The following FRMD4A variants were observed in gnomAD, a reference collection of about 807,000 sequenced individuals.
FRMD4A encodes FERM domain containing 4A, also known as FERM domain-containing protein 4A.
In FRMD4A, 29 loss-of-function variants were observed where a neutral mutation model predicts 129.1. The observed-to-expected ratio is 0.22, with a 90% CI of 0.17 to 0.31. The LOEUF (loss-of-function observed/expected upper bound fraction) is 0.31, where lower values mean the gene tolerates loss of function less well. Among genes scored for constraint, FRMD4A ranks in the 10% least tolerant of loss-of-function variants. The pLI, the probability that FRMD4A is intolerant of heterozygous loss-of-function variation, is 1.00. For synonymous variants in FRMD4A, 634 were observed against 571.6 expected (o/e 1.11, Z -1.56); for missense variants, 1,272 against 1,375.8 (o/e 0.92, Z 1.19).
At chr10:14,013,260 G>C (rs918580533) in intron 2 of FRMD4A, among the ~76,000 whole-genome samples, 1 of 152,158 alleles carries the variant, frequency 6.6e-6, no homozygotes, top group Admixed American at 6.5e-5. Context: ...GTAACATCTT[G>C]CAGGGTATTA....
intron 2 of FRMD4A, among the ~76,000 whole-genome samples, chr10:14,213,436 G>T (rs995037618): frequency 2.0e-5 from 3 of 152,086 alleles, no homozygotes; most frequent in Non-Finnish European, 4.4e-5. Flanking sequence ...GCTCAGAGAG[G>T]GTAAGTAGCT....
At chr10:14,098,651 G>A (rs1017301255) in intron 2 of FRMD4A, among the ~76,000 whole-genome samples, 1 of 151,876 alleles carries the variant, frequency 6.6e-6, no homozygotes, top group Non-Finnish European at 1.5e-5. Flanking sequence ...CCCGTGATCC[G>A]CCCGCCTCGA....
At chr10:13,976,481 G>A (rs1464701385) in intron 2 of FRMD4A, among the ~76,000 whole-genome samples, 3 of 152,080 alleles carry the variant, frequency 2.0e-5, no homozygotes, top group South Asian at 2.1e-4. Flanking sequence ...TCCCTATCTC[G>A]GAGTTTCTGT....
At chr10:14,173,772 C>G (rs961508501) in intron 2 of FRMD4A, among the ~76,000 whole-genome samples, 3 of 152,080 alleles carry the variant, frequency 2.0e-5, no homozygotes, top group East Asian at 1.9e-4. Context: ...AACCGAGAGG[C>G]GAACTCATTT....
chr10:14,001,963 C>T (rs558817368), intron 2 of FRMD4A, among the ~76,000 whole-genome samples: 34 of 152,306 alleles, frequency 2.2e-4, no homozygotes, highest in African/African-American at 7.9e-4. Flanking sequence ...ACACACTCAA[C>T]GATAGAGACT....
At chr10:14,069,383 T>G (rs969058922) in intron 2 of FRMD4A, among the ~76,000 whole-genome samples, 1 of 152,190 alleles carries the variant, frequency 6.6e-6, no homozygotes, top group Non-Finnish European at 1.5e-5. Flanking sequence ...ACTCCTTGGA[T>G]TTCTTCATGG....
intron 6 of FRMD4A, among the ~76,000 whole-genome samples, chr10:13,766,881 T>C (rs1281291479): frequency 6.6e-6 from 1 of 152,190 alleles, no homozygotes; most frequent in Admixed American, 6.5e-5. Flanking sequence ...GATACCATCC[T>C]GGACAACATG....
At chr10:14,302,729 C>G (rs909613886) in intron 2 of FRMD4A, among the ~76,000 whole-genome samples, 4 of 152,168 alleles carry the variant, frequency 2.6e-5, no homozygotes, top group Admixed American at 1.3e-4. Flanking sequence ...AGTTTAAATC[C>G]TAATTCCAAA....
intron 5 of FRMD4A, among the ~76,000 whole-genome samples, chr10:13,791,045 G>A (rs528661623): frequency 1.4e-3 from 207 of 152,270 alleles, no homozygotes; most frequent in African/African-American, 4.6e-3. Flanking sequence ...CCTCTGAGAC[G>A]CTCATGCATT....
At chr10:13,687,799 T>G (rs373952353) in intron 15 of FRMD4A, among the ~76,000 whole-genome samples, 1 of 152,194 alleles carries the variant, frequency 6.6e-6, no homozygotes, top group East Asian at 1.9e-4. Context: ...ACTGAGCACC[T>G]GCACAAATGG....
chr10:14,138,699 G>A (rs1257407361), intron 2 of FRMD4A, among the ~76,000 whole-genome samples: 2 of 151,880 alleles, frequency 1.3e-5, no homozygotes, highest in Non-Finnish European at 2.9e-5. Flanking sequence ...GGTGGAGGTT[G>A]CAGTGAGCCG....
intron 2 of FRMD4A, among the ~76,000 whole-genome samples, chr10:14,314,810 A>C (rs920084915): frequency 8.5e-5 from 13 of 152,154 alleles, no homozygotes; most frequent in African/African-American, 3.1e-4. Context: ...CATCGCCTAC[A>C]AATTTATCCT....
rs1204872346 is a variant in FRMD4A, at chr10:14,293,687, AACATTTTG to A, written c.45+36363_45+36370del. 2.6e-5 allele frequency among the ~76,000 whole-genome samples: 4 copies of A among 152,044 alleles called. No homozygotes were observed. The South Asian group carries it at 8.3e-4, about 31-fold the overall frequency. Reference sequence around the variant, plus strand: ...ATTAAAGTAGTACAACCTCTTGGGAAACATTTTGACATGACTCAAGTTTTGTTTATTCT... The same window carrying A: ...ATTAAAGTAGTACAACCTCTTGGGAAACATGACTCAAGTTTTGTTTATTCT... On this transcript the variant is annotated intron_variant, in intron 2 of 24. Transcript: ENST00000357447.
chr10:13,714,179 C>T (rs1223455872), intron 12 of FRMD4A, among the ~76,000 whole-genome samples: 1 of 149,706 alleles, frequency 6.7e-6, no homozygotes, highest in Non-Finnish European at 1.5e-5. Context: ...TCTCTTGTCT[C>T]AGCCTCCCAA....
intron 14 of FRMD4A, among the ~76,000 whole-genome samples, chr10:13,695,073 C>T (rs926786990): frequency 2.6e-5 from 4 of 152,074 alleles, no homozygotes; most frequent in Non-Finnish European, 5.9e-5. Flanking sequence ...TTAAAAGTCA[C>T]AGCAGGTAAG....
chr10:14,200,822 T>C (rs567257054), intron 2 of FRMD4A, among the ~76,000 whole-genome samples: 15 of 152,260 alleles, frequency 9.9e-5, no homozygotes, highest in South Asian at 2.1e-4. Context: ...GTGGCTCCAG[T>C]GTCTCTTCTA....
chr10:13,881,438 GAA>G (rs1190046035), intron 2 of FRMD4A, among the ~76,000 whole-genome samples: 11 of 151,926 alleles, frequency 7.2e-5, no homozygotes, highest in Admixed American at 7.2e-4. Context: ...GACAGAGAGA[GAA>G]AGAGAGTTGT....
intron 2 of FRMD4A, among the ~76,000 whole-genome samples, chr10:14,224,073 G>A (rs549637703): frequency 6.6e-6 from 1 of 152,282 alleles, no homozygotes; most frequent in Admixed American, 6.5e-5. Context: ...GAGGAGTCCT[G>A]TGGCTCTCAC....
intron 2 of FRMD4A, among the ~76,000 whole-genome samples, chr10:14,228,979 T>C (rs1843542311): frequency 6.6e-6 from 1 of 152,194 alleles, no homozygotes; most frequent in African/African-American, 2.4e-5. Context: ...AGCATTAAAA[T>C]ATGCCCCACG....
Sources: allele counts gnomAD v4.1 joint callset (sites outside exome capture counted in the v4.1 genomes callset), GRCh38; gene constraint gnomAD v4.1.1; transcripts MANE v1.5; gene names NCBI Gene and HGNC (gene_info 2026-07-23, HGNC 2026-07-21).